The following GBF1 variants were observed in gnomAD, a reference collection of about 807,000 sequenced individuals.
The protein encoded by GBF1 is Golgi-specific brefeldin A-resistance guanine nucleotide exchange factor 1.
In GBF1, 114 loss-of-function variants were observed where a neutral mutation model predicts 210.5. That is an observed-to-expected ratio of 0.54 (90% CI 0.47 to 0.63). The LOEUF (loss-of-function observed/expected upper bound fraction) is 0.63, where lower values mean the gene tolerates loss of function less well. Ranked by LOEUF, GBF1 falls within the 30% of genes least tolerant of loss-of-function variation. The pLI, the probability that GBF1 is intolerant of heterozygous loss-of-function variation, is 0.00. For synonymous variants in GBF1, 850 were observed against 889.2 expected, an observed-to-expected ratio of 0.96 and a Z score of 0.78; for missense variants, 1,851 against 2,357.7, an observed-to-expected ratio of 0.79 and a Z score of 4.45.
chr10:102,351,839 A>C lies in GBF1; in HGVS notation c.415-4A>C, dbSNP rs1292396810. 1.3e-6 allele frequency: 2 copies of C among 1,532,662 alleles called. No individual in the cohort carries two copies. Among genetic ancestry groups the C allele is most frequent in the South Asian group, 2.2e-5 (2 of 89,422 alleles). The allele number at this position is 1,532,662 out of a possible 1,614,324, so 94.9% of individuals were successfully genotyped here. A position where few individuals can be genotyped will look rare whatever the true frequency, so the allele number is the denominator to read the frequency against. On this transcript the variant is annotated splice_region_variant and splice_polypyrimidine_tract_variant and intron_variant, in intron 5 of 39. Coordinates refer to ENST00000369983, the MANE Select transcript of GBF1 (RefSeq NM_001377137.1). ...TCACAGTAATTCCTTTTTCTTCCTG[A>C]TAGGTTCTACGGACTCTGCTGCTAA...
rs200567695 is a variant in GBF1 at position 102,365,577 on chromosome 10, G to A, written c.2287G>A (p.Asp763Asn). The change falls in exon 18 of 40, where the codon GAC becomes AAC. Residue 763 changes from aspartate to asparagine, a missense_variant. Physicochemically the swap from Asp to Asn is conservative, Grantham distance 23. This residue lies in a region of GBF1 where 804 missense variants were observed against 958.6 expected (regional missense o/e 0.84). Coordinates refer to ENST00000369983, the MANE Select transcript of GBF1 (RefSeq NM_001377137.1). Reference protein sequence around the residue: ...GEFVSDRKNIDLLESFVSTFS... With the variant: ...GEFVSDRKNINLLESFVSTFS... Reference sequence around the variant, plus strand: ...GTTTGTGAGTGACCGCAAAAACATTGACCTGTTGGAGAGCTTTGTGAGGTG... The same window carrying A: ...GTTTGTGAGTGACCGCAAAAACATTAACCTGTTGGAGAGCTTTGTGAGGTG... 4.7e-5 allele frequency: 76 copies of A among 1,613,950 alleles called. No homozygotes were observed. The highest frequency in any genetic ancestry group is 8.3e-5 in the Admixed American group (5 of 59,982).
chr10:102,316,084 C>CTTTT (rs912378779), intron 3 of GBF1, among the ~76,000 whole-genome samples: 6 of 133,110 alleles, frequency 4.5e-5, no homozygotes, highest in Admixed American at 7.7e-5. Flanking sequence ...CTTCCCTCCA[C>CTTTT]TTTTTTTTTT....
intron 3 of GBF1, among the ~76,000 whole-genome samples, chr10:102,261,197 G>A (rs927938237): frequency 1.3e-5 from 2 of 152,006 alleles, no homozygotes; most frequent in African/African-American, 4.8e-5. Flanking sequence ...TTCTGTACAT[G>A]TGATTAGAAG....
intron 3 of GBF1, among the ~76,000 whole-genome samples, chr10:102,273,944 T>C (rs1481914065): frequency 1.3e-5 from 2 of 152,252 alleles, no homozygotes; most frequent in African/African-American, 4.8e-5. Context: ...ATGTTAGACA[T>C]GGCCACCCTT....
At position 102,363,930 on chromosome 10, in the gene GBF1, G is replaced by T. The variant is rs1265553986; in HGVS notation, c.2106+132G>T. 3.3e-6 allele frequency: 2 copies of T among 612,464 alleles called. No homozygotes were observed. The highest frequency in any genetic ancestry group is 5.8e-6 in the Non-Finnish European group (2 of 346,000). The allele number at this position is 612,464 out of a possible 1,614,324, so 37.9% of individuals were successfully genotyped here. The stretch of plus-strand genomic sequence containing the variant: ...CTTCCTGAGGCCAGTCTTTGGGCTT[G>T]TTGGGACTTCAGCAACTCCCATTTG... On this transcript the variant is annotated intron_variant, in intron 17 of 39. Coordinates refer to ENST00000369983, the MANE Select transcript of GBF1 (RefSeq NM_001377137.1). The surrounding 1 kb of genome is among the most constrained non-coding windows in gnomAD (Gnocchi z 4.2).
chr10:102,329,603 A>T (rs1184687912), intron 3 of GBF1, among the ~76,000 whole-genome samples: 1 of 151,836 alleles, frequency 6.6e-6, no homozygotes, highest in African/African-American at 2.4e-5. Flanking sequence ...AGCTGGGACT[A>T]CAGGTGCCCG....
rs776419990 is a variant in GBF1, at chr10:102,367,091, A to T, written c.2440A>T (p.Asn814Tyr). 6.2e-7 allele frequency: 1 copy of T among 1,614,068 alleles called. No individual in the cohort carries two copies. Among genetic ancestry groups the T allele is most frequent in the African/African-American group, 1.3e-5 (1 of 75,014 alleles). ...GGGATCTTTGCTTTTTCAGAATTGT[A>T]ATGGCTCCCCATTTGCCAATAGCGA... is the stretch of plus-strand genomic sequence containing the variant. ...EAFTERWMNC[N>Y]GSPFANSDAC... is the part of the protein sequence containing the mutation. Residue 814 changes from asparagine to tyrosine, a missense_variant, in exon 20 of 40, where the codon AAT becomes TAT. Coordinates refer to ENST00000369983, the MANE Select transcript of GBF1 (RefSeq NM_001377137.1).
At chr10:102,235,175 C>CAT in the GBF1 span, among the ~76,000 whole-genome samples, 1 of 73,812 alleles carries the variant, frequency 1.4e-5, no homozygotes, top group African/African-American at 6.1e-5. Context: ...TTCCCCCACC[C>CAT]CCCACCCCCC....
intron 3 of GBF1, among the ~76,000 whole-genome samples, chr10:102,306,216 G>C (rs888712926): frequency 6.6e-6 from 1 of 152,152 alleles, no homozygotes; most frequent in African/African-American, 2.4e-5. Flanking sequence ...CGGGAAATGA[G>C]CTGGGTGTCT....
chr10:102,271,555 C>G (rs1362759961), intron 3 of GBF1, among the ~76,000 whole-genome samples: 1 of 149,994 alleles, frequency 6.7e-6, no homozygotes, highest in Admixed American at 6.7e-5. Flanking sequence ...TTTGAGGACA[C>G]CAGCCCATTT....
At chr10:102,352,280 A>T (rs899815227) in intron 6 of GBF1, among the ~76,000 whole-genome samples, 178 bp from the exon 7 acceptor site, 3 of 152,062 alleles carry the variant, frequency 2.0e-5, no homozygotes, top group African/African-American at 7.2e-5. Flanking sequence ...TCCCTGACTC[A>T]GTAGTGCCAC....
intron 3 of GBF1, among the ~76,000 whole-genome samples, chr10:102,330,855 A>T (rs1459054448): frequency 2.6e-5 from 4 of 152,170 alleles, no homozygotes; most frequent in Non-Finnish European, 1.5e-5. Flanking sequence ...TAGGAAACTC[A>T]TTCCTCTTCT....
intron 3 of GBF1, among the ~76,000 whole-genome samples, chr10:102,339,734 T>C (rs2058040938): frequency 6.6e-6 from 1 of 151,988 alleles, no homozygotes; most frequent in African/African-American, 2.4e-5. Context: ...CTTAGACACA[T>C]AGATCAATGA....
At chr10:102,271,030 T>A (rs1156279557) in intron 3 of GBF1, among the ~76,000 whole-genome samples, 1 of 150,432 alleles carries the variant, frequency 6.6e-6, no homozygotes, top group Non-Finnish European at 1.5e-5. Context: ...TTTTATTTTA[T>A]TTTATTATTA....
At chr10:102,321,647 G>T (rs1036398449) in intron 3 of GBF1, among the ~76,000 whole-genome samples, 1 of 151,804 alleles carries the variant, frequency 6.6e-6, no homozygotes, top group Admixed American at 6.6e-5. Flanking sequence ...TCAGCTCACT[G>T]CAACCTCCAC....
chr10:102,322,889 C>T (rs907115236), intron 3 of GBF1, among the ~76,000 whole-genome samples: 1 of 151,968 alleles, frequency 6.6e-6, no homozygotes, highest in African/African-American at 2.4e-5. Flanking sequence ...TGTAGTCCAG[C>T]CTGGGTGACA....
chr10:102,362,427 T>G, intron 14 of GBF1, 48 bp from the exon 15 acceptor site: 2 of 1,311,724 alleles, frequency 1.5e-6, no homozygotes, highest in Non-Finnish European at 2.2e-6. Context: ...GATCAAAGTG[T>G]AAAGTGTTCT....
chr10:102,234,767 A>ACCCTT, the GBF1 span, among the ~76,000 whole-genome samples: 2 of 152,190 alleles, frequency 1.3e-5, no homozygotes, highest in African/African-American at 2.4e-5. Flanking sequence ...TGGGAAAAGC[A>ACCCTT]GTCCCACCCT....
At chr10:102,381,393 G>A (rs2060837487) in intron 39 of GBF1, 138 bp downstream of exon 39, 2 of 784,352 alleles carry the variant, frequency 2.5e-6, no homozygotes. Context: ...AACTGTTGCC[G>A]CTCTTCCCAT....
Sources: allele counts gnomAD v4.1 joint callset (sites outside exome capture counted in the v4.1 genomes callset), GRCh38; gene constraint gnomAD v4.1.1; regional missense constraint gnomAD v4.1.1; non-coding constraint Gnocchi (gnomAD v3.1); transcripts MANE v1.5; gene names NCBI Gene and HGNC (gene_info 2026-07-23, HGNC 2026-07-21).